CSMD1: variants seen among roughly 807,000 people sequenced by gnomAD.
CSMD1 encodes the protein CUB and Sushi multiple domains 1, also known as CUB and sushi domain-containing protein 1.
Under a neutral mutation model 417.5 loss-of-function variants are expected in CSMD1, and 213 were observed. That is an observed-to-expected ratio of 0.51 (90% CI 0.46 to 0.57). The LOEUF is 0.57. Ranked by LOEUF, CSMD1 falls within the 20% of genes least tolerant of loss-of-function variation. CSMD1 has a pLI of 0.00. For synonymous variants in CSMD1, 2,862 were observed against 1,736.8 expected, an observed-to-expected ratio of 1.65 and a Z score of -16.11; for missense variants, 6,923 against 4,529.7, an observed-to-expected ratio of 1.53 and a Z score of -15.17.
intron 2 of CSMD1, among the ~76,000 whole-genome samples, chr8:4,570,975 G>A (rs1585266106): frequency 6.6e-6 from 1 of 152,106 alleles, no homozygotes; most frequent in Non-Finnish European, 1.5e-5. Context: ...ATTTCTGTGG[G>A]ATTGGTGGTG....
At chr8:4,891,290 C>A (rs1289194534) in intron 1 of CSMD1, among the ~76,000 whole-genome samples, 1 of 152,102 alleles carries the variant, frequency 6.6e-6, no homozygotes, top group Non-Finnish European at 1.5e-5. Flanking sequence ...AATACTCTTA[C>A]AAGTGAAGAC....
chr8:4,004,117 T>C (rs1258749973), intron 4 of CSMD1, among the ~76,000 whole-genome samples: 1 of 152,128 alleles, frequency 6.6e-6, no homozygotes, highest in Non-Finnish European at 1.5e-5. Context: ...GCTGTATACA[T>C]ATGTATATTT....
chr8:3,446,493 G>C (rs1394802838), intron 12 of CSMD1, among the ~76,000 whole-genome samples: 2 of 152,150 alleles, frequency 1.3e-5, no homozygotes, highest in Middle Eastern at 3.2e-3. Flanking sequence ...ATTAATTACT[G>C]AGTAGTTCAT....
chr8:3,524,676 T>TACCAAAA (rs1338940210), intron 10 of CSMD1, among the ~76,000 whole-genome samples: 1 of 138,396 alleles, frequency 7.2e-6, no homozygotes, highest in Non-Finnish European at 1.5e-5. Context: ...AAAACACATG[T>TACCAAAA]ACACACATGC....
intron 1 of CSMD1, among the ~76,000 whole-genome samples, chr8:4,795,091 G>T (rs1797902622): frequency 1.3e-5 from 2 of 151,588 alleles, no homozygotes; most frequent in Admixed American, 1.3e-4. Context: ...TAATAGTGAA[G>T]AATCAGGTGG....
chr8:4,694,604 C>T (rs895816957), intron 1 of CSMD1, among the ~76,000 whole-genome samples: 2 of 151,966 alleles, frequency 1.3e-5, no homozygotes, highest in Non-Finnish European at 1.5e-5. Flanking sequence ...ACCTCATGAC[C>T]TGCCCACCTC....
intron 3 of CSMD1, among the ~76,000 whole-genome samples, chr8:4,363,329 C>G (rs981659809): frequency 2.0e-5 from 3 of 152,122 alleles, no homozygotes; most frequent in Non-Finnish European, 4.4e-5. Context: ...TACAGGTACC[C>G]TGCATAACTG....
rs559432939 is a variant in CSMD1, at chr8:4,083,887, C to G, written c.416-51788G>C. ...GCTTCTGCACAGCAAAAGAAACTAC[C>G]ACCAGAGTGAACAGGCGACTTACAA... is the stretch of plus-strand genomic sequence containing the variant. On this transcript the variant is annotated intron_variant, in intron 3 of 69. Transcript: ENST00000635120. 3.3e-5 allele frequency among the ~76,000 whole-genome samples: 5 copies of G among 152,190 alleles called. No homozygotes were observed. In the South Asian group the frequency reaches 1.0e-3, roughly 32 times the overall value.
At chr8:3,836,587 C>T (rs1265433672) in intron 5 of CSMD1, among the ~76,000 whole-genome samples, 2 of 152,056 alleles carry the variant, frequency 1.3e-5, no homozygotes, top group South Asian at 2.1e-4. Context: ...GTCTTTGAAG[C>T]ATATTTAAGT....
intron 12 of CSMD1, among the ~76,000 whole-genome samples, chr8:3,449,601 T>A (rs1338718138): frequency 6.6e-6 from 1 of 152,070 alleles, no homozygotes; most frequent in African/African-American, 2.4e-5. Context: ...CACTGCAAAC[T>A]CTGCCTCTTG....
chr8:4,245,192 C>A (rs1047832255), intron 3 of CSMD1, among the ~76,000 whole-genome samples: 1 of 152,180 alleles, frequency 6.6e-6, no homozygotes, highest in Non-Finnish European at 1.5e-5. Context: ...GGCATGCTGT[C>A]AAACAAGTAA....
At chr8:3,169,882 T>C (rs1483612840) in intron 37 of CSMD1, among the ~76,000 whole-genome samples, 1 of 152,194 alleles carries the variant, frequency 6.6e-6, no homozygotes, top group East Asian at 1.9e-4. Flanking sequence ...CCTTTCCTGA[T>C]GTGAGAATGG....
chr8:3,781,202 T>C (rs1280560143), intron 5 of CSMD1, among the ~76,000 whole-genome samples: 4 of 152,174 alleles, frequency 2.6e-5, no homozygotes, highest in African/African-American at 7.2e-5. Context: ...AAAGTGATAA[T>C]TGGAGCAAAA....
chr8:3,297,283 T>C (rs765578509), intron 25 of CSMD1, among the ~76,000 whole-genome samples: 1 of 152,164 alleles, frequency 6.6e-6, no homozygotes, highest in Non-Finnish European at 1.5e-5. Context: ...GGGATATCAA[T>C]AAAAATCCAG....
At chr8:3,668,983 G>C (rs1023356141) in intron 7 of CSMD1, among the ~76,000 whole-genome samples, 5 of 152,148 alleles carry the variant, frequency 3.3e-5, no homozygotes, top group African/African-American at 7.2e-5. Context: ...AACCAGGTTA[G>C]CCTGTGCTTT....
At chr8:3,667,715 G>A (rs775353369) in intron 7 of CSMD1, among the ~76,000 whole-genome samples, 1 of 152,236 alleles carries the variant, frequency 6.6e-6, no homozygotes, top group Middle Eastern at 3.2e-3. Context: ...TAGAGGATTA[G>A]TAGTTACTCA....
At chr8:3,292,480 C>A (rs755858411) in intron 25 of CSMD1, among the ~76,000 whole-genome samples, 1 of 152,070 alleles carries the variant, frequency 6.6e-6, no homozygotes, top group Non-Finnish European at 1.5e-5. Context: ...TTGTAGGTGT[C>A]TAAGGACTTG....
At chr8:4,358,832 G>A (rs185665954) in intron 3 of CSMD1, among the ~76,000 whole-genome samples, 24 of 152,132 alleles carry the variant, frequency 1.6e-4, no homozygotes, top group Admixed American at 6.5e-4. Context: ...AGAGTGCCTT[G>A]GTTTCAGTGC....
chr8:4,872,971 G>A (rs1179290305), intron 1 of CSMD1, among the ~76,000 whole-genome samples: 1 of 152,024 alleles, frequency 6.6e-6, no homozygotes, highest in Admixed American at 6.6e-5. Context: ...AACAAAAATT[G>A]TATATATTTA....
Sources: gnomAD v4.1 joint callset for allele counts (sites outside exome capture counted in the v4.1 genomes callset) on GRCh38, gnomAD v4.1.1 for gene constraint, MANE v1.5 for transcripts, NCBI Gene and HGNC (gene_info 2026-07-23, HGNC 2026-07-21) for gene names.